The following SYTL5 variants were observed in gnomAD, a reference collection of about 807,000 sequenced individuals.
SYTL5 encodes the protein synaptotagmin-like protein 5.
Under a neutral mutation model 55.9 loss-of-function variants are expected in SYTL5, and 34 were observed. The observed-to-expected ratio is 0.61, with a 90% confidence interval of 0.46 to 0.81. The LOEUF is 0.81. SYTL5 is among the 30% of genes least tolerant of loss of function. The pLI, the probability that SYTL5 is intolerant of heterozygous loss-of-function variation, is 0.00. For synonymous variants in SYTL5, 221 were observed against 188.7 expected, an observed-to-expected ratio of 1.17 and a Z score of -1.40; for missense variants, 637 against 546.7, an observed-to-expected ratio of 1.17 and a Z score of -1.65.
the SYTL5 span, among the ~76,000 whole-genome samples, chrX:37,926,276 T>G: frequency 8.9e-5 from 10 of 112,106 alleles, no homozygotes; most frequent in Admixed American, 9.5e-4. Context: ...TATATCTACT[T>G]TTGAGAAACG....
chrX:37,893,570 C>A, the SYTL5 span, among the ~76,000 whole-genome samples: 1 of 85,573 alleles, frequency 1.2e-5, no homozygotes, highest in South Asian at 5.2e-4. Context: ...ATTATATATA[C>A]AATCTATATA....
the SYTL5 span, among the ~76,000 whole-genome samples, chrX:37,949,952 G>A: frequency 8.9e-6 from 1 of 111,901 alleles, no homozygotes; most frequent in South Asian, 3.7e-4. Context: ...ACTGGTCTAA[G>A]GTACACATCA....
intron 7 of SYTL5, among the ~76,000 whole-genome samples, chrX:38,092,905 T>G (rs1385989204): frequency 1.8e-5 from 2 of 111,987 alleles, no homozygotes; most frequent in Non-Finnish European, 3.8e-5. Flanking sequence ...TTAATGACAG[T>G]GCAATATTAA....
At chrX:38,006,270 G>A (rs1933985852), upstream of SYTL5, among the ~76,000 whole-genome samples, 1 of 111,765 alleles carries the variant, frequency 8.9e-6, no homozygotes, top group African/African-American at 3.2e-5. Context: ...TTTCTCCCAG[G>A]TTTTTTAAGA....
chrX:38,010,070 C>A (rs1022185743), intron 1 of SYTL5, among the ~76,000 whole-genome samples: 1 of 112,380 alleles, frequency 8.9e-6, no homozygotes, highest in Non-Finnish European at 1.9e-5. Flanking sequence ...CTCAGCTCTG[C>A]TACTTACCAG....
At chrX:37,970,369 A>G in the SYTL5 span, among the ~76,000 whole-genome samples, 1 of 83,059 alleles carries the variant, frequency 1.2e-5, no homozygotes, top group Non-Finnish European at 2.3e-5. Flanking sequence ...TTTTTTTTTT[A>G]CCAAAAATAC....
the SYTL5 span, among the ~76,000 whole-genome samples, chrX:37,976,936 C>G: frequency 9.0e-6 from 1 of 111,281 alleles, no homozygotes; most frequent in African/African-American, 3.3e-5. Flanking sequence ...CGCACTCCAA[C>G]CTGGGCAACA....
intron 3 of SYTL5, 144 bp from the exon 4 acceptor site, chrX:38,071,903 C>A (rs1427238227): frequency 4.5e-6 from 2 of 445,118 alleles, no homozygotes; most frequent in East Asian, 7.5e-5. Context: ...TTAATACTGG[C>A]TATTATTATC....
At chrX:37,919,927 T>A in the SYTL5 span, among the ~76,000 whole-genome samples, 1 of 111,822 alleles carries the variant, frequency 8.9e-6, no homozygotes, top group African/African-American at 3.2e-5. Flanking sequence ...TAAGTATACC[T>A]CGTATCTGTA....
At chrX:38,098,747 C>T (rs540991726) in intron 9 of SYTL5, among the ~76,000 whole-genome samples, 3 of 110,318 alleles carry the variant, frequency 2.7e-5, no homozygotes, top group African/African-American at 6.6e-5. Context: ...GACTTACACG[C>T]GAATGGTTAT....
the SYTL5 span, among the ~76,000 whole-genome samples, chrX:37,963,231 G>A: frequency 9.1e-6 from 1 of 109,583 alleles, no homozygotes; most frequent in Non-Finnish European, 1.9e-5. Flanking sequence ...AAAATATATG[G>A]TTGGTATATT....
chrX:38,098,241 T>C (rs1265109290), intron 9 of SYTL5, among the ~76,000 whole-genome samples: 1 of 111,393 alleles, frequency 9.0e-6, no homozygotes, highest in Non-Finnish European at 1.9e-5. Flanking sequence ...AAGACACCAC[T>C]ACAGATGTGA....
At chrX:37,989,681 T>C in the SYTL5 span, among the ~76,000 whole-genome samples, 1 of 111,429 alleles carries the variant, frequency 9.0e-6, no homozygotes, top group Admixed American at 9.5e-5. Flanking sequence ...TGGCTGTAAA[T>C]GAACCAAAGT....
upstream of SYTL5, among the ~76,000 whole-genome samples, chrX:38,004,042 A>G (rs1189199142): frequency 1.8e-5 from 2 of 111,758 alleles, no homozygotes; most frequent in African/African-American, 6.5e-5. Flanking sequence ...AGATCATTAT[A>G]TTTTTCCCTA....
chrX:37,935,569 C>T, the SYTL5 span, among the ~76,000 whole-genome samples: 1 of 111,192 alleles, frequency 9.0e-6, no homozygotes, highest in Middle Eastern at 4.7e-3. Context: ...ATGTTTAATG[C>T]TTTAATTTTT....
the SYTL5 span, among the ~76,000 whole-genome samples, chrX:37,995,616 C>G: frequency 8.9e-6 from 1 of 111,946 alleles, no homozygotes; most frequent in Non-Finnish European, 1.9e-5. Flanking sequence ...GGAAGGAAGT[C>G]TCCTTCAGCT....
the SYTL5 span, among the ~76,000 whole-genome samples, chrX:37,894,254 T>A: frequency 2.7e-5 from 3 of 111,862 alleles, no homozygotes; most frequent in Non-Finnish European, 5.6e-5. Context: ...GCATCTGTGA[T>A]CCTTATTGTT....
At chrX:37,930,375 T>C in the SYTL5 span, among the ~76,000 whole-genome samples, 1 of 112,177 alleles carries the variant, frequency 8.9e-6, no homozygotes, top group South Asian at 3.7e-4. Context: ...ATATAAGAAG[T>C]GATGTACAAC....
chrX:38,087,178 T>C (rs1936677107), intron 6 of SYTL5, among the ~76,000 whole-genome samples: 1 of 111,407 alleles, frequency 9.0e-6, no homozygotes, highest in African/African-American at 3.3e-5. Context: ...TTCTGCAAGA[T>C]TGACCCCTGC....
Sources: allele counts gnomAD v4.1 joint callset (sites outside exome capture counted in the v4.1 genomes callset), GRCh38; gene constraint gnomAD v4.1.1; transcripts MANE v1.5; gene names NCBI Gene and HGNC (gene_info 2026-07-23, HGNC 2026-07-21).